LINGO2: variants seen among roughly 807,000 people sequenced by gnomAD.
LINGO2 encodes leucine-rich repeat and immunoglobulin-like domain-containing nogo receptor-interacting protein 2.
LINGO2 carries 14 observed loss-of-function variants against 30.6 expected under a neutral mutation model. That is an observed-to-expected ratio of 0.46 (90% confidence interval 0.30 to 0.72). LINGO2 has a LOEUF of 0.72. LINGO2 is among the 30% of genes least tolerant of loss of function. The pLI is 0.07. For missense variants in LINGO2, 729 were observed against 751.7 expected (o/e 0.97, Z 0.35); for synonymous variants, 317 against 288.5 (o/e 1.10, Z -1.00).
the LINGO2 span, among the ~76,000 whole-genome samples, chr9:28,984,813 T>C: frequency 6.6e-6 from 1 of 152,146 alleles, no homozygotes; most frequent in African/African-American, 2.4e-5. Context: ...TGTGGAATAA[T>C]TAAATCTAAC....
At chr9:28,497,322 A>T (rs1819674524) in intron 1 of LINGO2, among the ~76,000 whole-genome samples, 1 of 152,062 alleles carries the variant, frequency 6.6e-6, no homozygotes, top group Admixed American at 6.6e-5. Flanking sequence ...TGGTCTTTTC[A>T]CATAGTCCCA....
chr9:29,067,755 G>GAA, the LINGO2 span, among the ~76,000 whole-genome samples: 14 of 124,528 alleles, frequency 1.1e-4, no homozygotes, highest in African/African-American at 3.8e-4. Context: ...GTATTTAAAT[G>GAA]AAAAAAAAAA....
At chr9:28,446,879 T>C (rs919926376) in intron 2 of LINGO2, among the ~76,000 whole-genome samples, 4 of 152,210 alleles carry the variant, frequency 2.6e-5, no homozygotes, top group Non-Finnish European at 4.4e-5. Flanking sequence ...ATACCATAAA[T>C]GACAGGAAGC....
the LINGO2 span, among the ~76,000 whole-genome samples, chr9:28,870,759 T>A: frequency 2.6e-5 from 4 of 152,052 alleles, no homozygotes; most frequent in Admixed American, 6.6e-5. Context: ...ACTAATTATT[T>A]GAACTTTTAA....
intron 2 of LINGO2, among the ~76,000 whole-genome samples, chr9:28,416,431 C>A (rs1455595863): frequency 6.6e-6 from 1 of 152,120 alleles, no homozygotes; most frequent in African/African-American, 2.4e-5. Context: ...TGAACATCCA[C>A]AATTTACTAA....
chr9:28,137,219 A>C (rs549352386), intron 4 of LINGO2, among the ~76,000 whole-genome samples: 1 of 151,880 alleles, frequency 6.6e-6, no homozygotes, highest in South Asian at 2.1e-4. Flanking sequence ...ACACACACAC[A>C]CACACACAAA....
chr9:29,050,608 T>C, the LINGO2 span, among the ~76,000 whole-genome samples: 5 of 152,318 alleles, frequency 3.3e-5, no homozygotes, highest in African/African-American at 7.2e-5. Flanking sequence ...TTGTGGATGT[T>C]TGTGTCTATG....
At chr9:28,186,363 A>C (rs933949661) in intron 4 of LINGO2, among the ~76,000 whole-genome samples, 1 of 152,168 alleles carries the variant, frequency 6.6e-6, no homozygotes, top group African/African-American at 2.4e-5. Context: ...GTAATTATAA[A>C]TGGGAAATGT....
the LINGO2 span, among the ~76,000 whole-genome samples, chr9:29,191,379 T>G: frequency 2.0e-5 from 3 of 152,180 alleles, no homozygotes; most frequent in Non-Finnish European, 4.4e-5. Context: ...TTTTAATAAA[T>G]AGAAACTTGA....
intron 4 of LINGO2, among the ~76,000 whole-genome samples, chr9:28,117,280 G>A (rs370484613): frequency 0.012 from 1,758 of 146,724 alleles, 22 homozygotes; most frequent in Admixed American, 0.02. Flanking sequence ...TCAGATCTCC[G>A]GCTGCGTGCT....
chr9:28,821,212 G>C, the LINGO2 span, among the ~76,000 whole-genome samples: 1 of 152,212 alleles, frequency 6.6e-6, no homozygotes, highest in African/African-American at 2.4e-5. Context: ...GGCATATCTT[G>C]GAGGGTCCTC....
chr9:28,231,175 C>T (rs914553692), intron 4 of LINGO2, among the ~76,000 whole-genome samples: 10 of 151,132 alleles, frequency 6.6e-5, no homozygotes, highest in African/African-American at 2.2e-4. Flanking sequence ...AAAAAAAATA[C>T]TACCTTTATG....
chr9:28,462,704 A>G (rs1825132547), intron 2 of LINGO2, among the ~76,000 whole-genome samples: 1 of 152,072 alleles, frequency 6.6e-6, no homozygotes. Context: ...TGATGAAAAT[A>G]TCTTTGGGCA....
the LINGO2 span, among the ~76,000 whole-genome samples, chr9:28,734,818 C>T: frequency 2.5e-4 from 38 of 152,198 alleles, no homozygotes; most frequent in African/African-American, 8.7e-4. Flanking sequence ...TCTCCACCAG[C>T]GACCACTGCT....
intron 4 of LINGO2, among the ~76,000 whole-genome samples, chr9:28,266,497 C>T (rs971361267): frequency 7.1e-4 from 108 of 152,090 alleles, no homozygotes; most frequent in African/African-American, 2.6e-3. Context: ...AGAAAGCATA[C>T]ATTTGCTTAG....
chr9:27,981,060 G>C (rs1272081612), intron 5 of LINGO2, among the ~76,000 whole-genome samples: 1 of 151,768 alleles, frequency 6.6e-6, no homozygotes, highest in Non-Finnish European at 1.5e-5. Flanking sequence ...GATTGCTGAT[G>C]AGTATGTATT....
the LINGO2 span, among the ~76,000 whole-genome samples, chr9:29,125,727 A>G: frequency 6.6e-6 from 1 of 152,134 alleles, no homozygotes; most frequent in South Asian, 2.1e-4. Context: ...ACTGTGGAAG[A>G]CTAAATGAAT....
At chr9:28,174,193 G>A (rs934543441) in intron 4 of LINGO2, among the ~76,000 whole-genome samples, 4 of 152,184 alleles carry the variant, frequency 2.6e-5, no homozygotes, top group African/African-American at 7.2e-5. Context: ...TGCTCAGTAT[G>A]AGCTGCGACA....
At chr9:28,626,945 G>T (rs1326309482) in intron 1 of LINGO2, among the ~76,000 whole-genome samples, 1 of 151,690 alleles carries the variant, frequency 6.6e-6, no homozygotes, top group African/African-American at 2.4e-5. Flanking sequence ...AATAATATCT[G>T]TCATTTCTGA....
Sources: allele counts gnomAD v4.1 joint callset (sites outside exome capture counted in the v4.1 genomes callset), GRCh38; gene constraint gnomAD v4.1.1; transcripts MANE v1.5; gene names NCBI Gene and HGNC (gene_info 2026-07-23, HGNC 2026-07-21).